The following ARFGEF1 variants were observed in gnomAD, a reference collection of about 807,000 sequenced individuals.
The protein encoded by ARFGEF1 is brefeldin A-inhibited guanine nucleotide-exchange protein 1.
ARFGEF1 carries 42 observed loss-of-function variants against 231.0 expected under a neutral mutation model. The ratio of observed to expected loss-of-function variants is 0.18; its 90% CI spans 0.14 to 0.24. ARFGEF1 has a LOEUF of 0.24. Among genes scored for constraint, ARFGEF1 ranks in the 10% least tolerant of loss-of-function variants. The probability of loss-of-function intolerance (pLI) is 1.00; values close to 1 mark genes in which losing one functional copy is unlikely to be tolerated. For synonymous variants in ARFGEF1, 710 were observed against 732.3 expected, an observed-to-expected ratio of 0.97 and a Z score of 0.49; for missense variants, 1,345 against 2,192.0, an observed-to-expected ratio of 0.61 and a Z score of 7.72.
intron 1 of ARFGEF1, among the ~76,000 whole-genome samples, chr8:67,328,341 C>G (rs1315673683): frequency 6.6e-6 from 1 of 152,026 alleles, no homozygotes; most frequent in Admixed American, 6.5e-5. Context: ...AATTTTTTAT[C>G]TTTAATATTA....
At chr8:67,262,097 T>C (rs969241271) in intron 14 of ARFGEF1, among the ~76,000 whole-genome samples, 1 of 152,178 alleles carries the variant, frequency 6.6e-6, no homozygotes, top group African/African-American at 2.4e-5. Flanking sequence ...ATACTTCTGT[T>C]GAATCTGGGC....
At chr8:67,236,362 AAAAATATATAT>A (rs1202318532) in intron 22 of ARFGEF1, among the ~76,000 whole-genome samples, 15 of 41,752 alleles carry the variant, frequency 3.6e-4, no homozygotes, top group African/African-American at 1.7e-3. Context: ...AAAAAAAAAA[AAAAATATATAT>A]ATATATATAT....
chr8:67,188,961 G>A (rs1835445033), intron 5 of ARFGEF1, among the ~76,000 whole-genome samples: 1 of 151,952 alleles, frequency 6.6e-6, no homozygotes, highest in South Asian at 2.1e-4. Context: ...CCCCAGGTCA[G>A]AGAACAAGAG....
chr8:67,184,221 A>C (rs1348875853), intron 5 of ARFGEF1, among the ~76,000 whole-genome samples: 2 of 152,250 alleles, frequency 1.3e-5, no homozygotes, highest in Non-Finnish European at 2.9e-5. Flanking sequence ...GAAAGTAGAA[A>C]GATCTAAAAT....
At chr8:67,237,705 G>T (rs1359079510) in intron 22 of ARFGEF1, among the ~76,000 whole-genome samples, 1 of 152,254 alleles carries the variant, frequency 6.6e-6, no homozygotes, top group East Asian at 1.9e-4. Flanking sequence ...AGCAGAAATT[G>T]AATCTCGGCG....
At chr8:67,342,747 C>A (rs1259575941) in intron 1 of ARFGEF1, among the ~76,000 whole-genome samples, 2 of 152,156 alleles carry the variant, frequency 1.3e-5, no homozygotes, top group Non-Finnish European at 1.5e-5. Context: ...AATTATGATA[C>A]GGAACCTTTC....
At chr8:67,337,294 C>G (rs1048194141) in intron 1 of ARFGEF1, among the ~76,000 whole-genome samples, 1 of 152,024 alleles carries the variant, frequency 6.6e-6, no homozygotes, top group African/African-American at 2.4e-5. Flanking sequence ...AAATCTATTT[C>G]CCAAAGGCTT....
chr8:67,314,772 G>A (rs1313074083), intron 1 of ARFGEF1, among the ~76,000 whole-genome samples: 1 of 152,210 alleles, frequency 6.6e-6, no homozygotes, highest in Non-Finnish European at 1.5e-5. Context: ...TCTGTCCGGA[G>A]CTGCAATCTA....
chr8:67,201,704 C>G, intron 36 of ARFGEF1, 99 bp from the exon 37 acceptor site: 1 of 1,498,334 alleles, frequency 6.7e-7, no homozygotes, highest in Non-Finnish European at 9.1e-7. Flanking sequence ...GCTCAGCCAT[C>G]AGCATCTGCT....
In ARFGEF1 at chr8:67,343,411, T is replaced by G. The variant is rs1587363514; in HGVS notation, c.-124A>C. 30 of 1,243,460 alleles carry G rather than the reference T, an allele frequency of 2.4e-5. No homozygotes were observed. Among genetic ancestry groups the G allele is most frequent in the East Asian group, 1.9e-4 (5 of 27,024 alleles). 77.0% of individuals were successfully genotyped at this position (1,243,460 alleles called of 1,614,324 possible). A position where few individuals can be genotyped will look rare whatever the true frequency, so the allele number is the denominator to read the frequency against. ...GGGTGGAGGTGGGGGATTGGAGGCG[T>G]GGAGGGCAGCGGCAGGATCAGGAAG... On this transcript the variant is annotated 5_prime_UTR_variant, in exon 1 of 39. Transcript: ENST00000262215.
chr8:67,284,546 G>A (rs1456541115), intron 7 of ARFGEF1, among the ~76,000 whole-genome samples: 1 of 152,110 alleles, frequency 6.6e-6, no homozygotes, highest in Non-Finnish European at 1.5e-5. Context: ...TATATTTAAG[G>A]ATACATATAA....
At chr8:67,234,920 G>A (rs780115040) in intron 22 of ARFGEF1, among the ~76,000 whole-genome samples, 15 of 151,740 alleles carry the variant, frequency 9.9e-5, no homozygotes, top group South Asian at 4.1e-4. Context: ...AACTTGACAC[G>A]CACAGCATGT....
chr8:67,195,490 C>T (rs201142840), downstream of ARFGEF1: 252 of 1,614,102 alleles, frequency 1.6e-4, no homozygotes, highest in Middle Eastern at 3.3e-4. Flanking sequence ...ACTTCAGAAA[C>T]GCTGAAACGT....
In ARFGEF1 at chr8:67,201,498, C is replaced by A. The variant is rs1169338020; in HGVS notation, c.5236G>T (p.Ala1746Ser). ...AGCCTCTGCTGGACCTCCTCCCAGG[C>A]ACTAACGCGGCTCTCATCCATGTAC... ...RMYMDESRVS[A>S]WEEVQQRLLN... The change falls in exon 37 of 39, where the codon GCC becomes TCC. Residue 1746 changes from alanine to serine, a missense_variant. By Grantham distance (99) the Ala-to-Ser change is moderately conservative (BLOSUM62 1). Around this residue, in one of 14 missense-constraint regions of ARFGEF1, gnomAD observed 161 missense variants for 284.9 expected, o/e 0.57. Transcript: ENST00000262215. 3.1e-6 allele frequency: 5 copies of A among 1,611,246 alleles called. No homozygotes were observed. The highest frequency in any genetic ancestry group is 8.5e-7 in the Non-Finnish European group (1 of 1,178,960).
In ARFGEF1 at chr8:67,315,131, T is replaced by C. The variant is rs534315432; in HGVS notation, c.125-12665A>G. Among the ~76,000 whole-genome samples, 12 of 152,250 alleles carry C rather than the reference T, an allele frequency of 7.9e-5. No individual in the cohort carries two copies. The South Asian group carries it at 2.5e-3, about 32-fold the overall frequency. On this transcript the variant is annotated intron_variant, in intron 1 of 38. Transcript: ENST00000262215. ...CAGGCGTGGCTGTATTAATATCAGATAAAGTAGAACTGAAAACAAAAAATG... is the reference window on the plus strand; with the variant it reads ...CAGGCGTGGCTGTATTAATATCAGACAAAGTAGAACTGAAAACAAAAAATG...
chr8:67,193,385 C>T (rs768552427), downstream of ARFGEF1: 56 of 1,315,914 alleles, frequency 4.3e-5, no homozygotes, highest in Non-Finnish European at 5.5e-5. Context: ...GTGATAGGCA[C>T]CATGCCTGGC....
At chr8:67,192,998 TGA>T (rs1491546419), downstream of ARFGEF1, among the ~76,000 whole-genome samples, 2 of 152,180 alleles carry the variant, frequency 1.3e-5, no homozygotes, top group African/African-American at 2.4e-5. Flanking sequence ...TCCTTATCCT[TGA>T]GAGTCATCTG....
intron 7 of ARFGEF1, among the ~76,000 whole-genome samples, chr8:67,285,650 T>C (rs1282786565): frequency 6.6e-6 from 1 of 152,232 alleles, no homozygotes; most frequent in Non-Finnish European, 1.5e-5. Context: ...ATCACCATCT[T>C]AACCAAATGA....
In ARFGEF1 at chr8:67,281,716, A is replaced by G. The variant is rs1805543909; in HGVS notation, c.1028-4259T>C. On this transcript the variant is annotated intron_variant, in intron 7 of 38. Coordinates refer to ENST00000262215, the MANE Select transcript of ARFGEF1 (RefSeq NM_006421.5). ...GCCAAATGAAAAACTTTTAGAAATAATATGAGTTCAGAAGGTGACCAAATA... is the reference window on the plus strand; with the variant it reads ...GCCAAATGAAAAACTTTTAGAAATAGTATGAGTTCAGAAGGTGACCAAATA... 2.0e-5 allele frequency among the ~76,000 whole-genome samples: 3 copies of G among 151,840 alleles called. No homozygotes were observed. In the Admixed American group the frequency reaches 2.0e-4, roughly 10 times the overall value.
Sources: allele counts gnomAD v4.1 joint callset (sites outside exome capture counted in the v4.1 genomes callset), GRCh38; gene constraint gnomAD v4.1.1; regional missense constraint gnomAD v4.1.1; transcripts MANE v1.5; gene names NCBI Gene and HGNC (gene_info 2026-07-23, HGNC 2026-07-21).